Variants in TMPRSS11B observed in about 807,000 individuals in gnomAD.
TMPRSS11B encodes the protein transmembrane protease serine 11B.
TMPRSS11B carries 53 observed loss-of-function variants against 44.7 expected under a neutral mutation model. The observed-to-expected ratio is 1.19, with a 90% confidence interval of 0.95 to 1.49. The LOEUF (loss-of-function observed/expected upper bound fraction) is 1.49, where lower values mean the gene tolerates loss of function less well. Among genes scored for constraint, TMPRSS11B ranks in the 40% most tolerant of loss-of-function variants. TMPRSS11B has a pLI of 0.00. For synonymous variants in TMPRSS11B, 140 were observed against 159.2 expected, an observed-to-expected ratio of 0.88 and a Z score of 0.91; for missense variants, 526 against 494.8, an observed-to-expected ratio of 1.06 and a Z score of -0.60.
At chr4:68,242,634 A>G (rs984527524) in intron 1 of TMPRSS11B, among the ~76,000 whole-genome samples, 11 of 150,360 alleles carry the variant, frequency 7.3e-5, no homozygotes, top group African/African-American at 2.4e-4. Flanking sequence ...CAGTAGTACA[A>G]TCTCAGCTCA....
chr4:68,226,768 A>C lies in TMPRSS11B; in HGVS notation c.*1143T>G, dbSNP rs771922525. ...GTAGAGATTACAAAGTTAGCCATCC[A>C]TATGATTGCACTTTTACTATAAGGA... On this transcript the variant is annotated 3_prime_UTR_variant, in exon 10 of 10. Coordinates refer to ENST00000332644, the MANE Select transcript of TMPRSS11B (RefSeq NM_182502.3). 1 of 152,256 alleles carries C rather than the reference A, an allele frequency of 6.6e-6. No individual in the cohort carries two copies. Among genetic ancestry groups the C allele is most frequent in the African/African-American group, 2.4e-5 (1 of 41,474 alleles). 9.4% of individuals were successfully genotyped at this position (152,256 alleles called of 1,614,324 possible).
In TMPRSS11B at chr4:68,242,292, TAC is replaced by T. The variant is rs1430728651; in HGVS notation, c.9-490_9-489del. ...ATATAATATTATATATATTATATTATACATAATATAATATATATAATATTATA... is the reference window on the plus strand; with the variant it reads ...ATATAATATTATATATATTATATTATATAATATAATATATATAATATTATA... On this transcript the variant is annotated intron_variant, in intron 1 of 9. Coordinates refer to ENST00000332644, the MANE Select transcript of TMPRSS11B (RefSeq NM_182502.3). Among the ~76,000 whole-genome samples, 132 of 17,458 alleles carry T rather than the reference TAC, an allele frequency of 7.6e-3. 3 individuals are homozygous for T. Among genetic ancestry groups the T allele is most frequent in the African/African-American group, 0.02 (120 of 6,008 alleles). 11.5% of individuals were successfully genotyped at this position (17,458 alleles called of 152,430 possible). A position where few individuals can be genotyped will look rare whatever the true frequency, so the allele number is the denominator to read the frequency against.
Position 68,243,743 on chromosome 4 carries a change from C to T in TMPRSS11B, c.8+1808G>A, listed in dbSNP as rs537662155. On this transcript the variant is annotated intron_variant, in intron 1 of 9. Transcript: ENST00000332644. ...TTAGCCAGTTATAACAGTCTGGTAG[C>T]TTGGGCTTTCTGAGACATGCATATT... Among the ~76,000 whole-genome samples the T allele has an allele frequency of 4.2e-4, 64 of 152,274 alleles. 2 individuals carry two copies. In the South Asian group the frequency reaches 8.7e-3, roughly 21 times the overall value.
rs1719821605 is a variant in TMPRSS11B, at chr4:68,241,562, G to A, written c.124+127C>T. On this transcript the variant is annotated intron_variant, in intron 2 of 9. Coordinates refer to ENST00000332644, the MANE Select transcript of TMPRSS11B (RefSeq NM_182502.3). ...ATAAATTTCTGTGTCATAATAAACT[G>A]TGTTGAAATAAAATAGTAAATAAGA... The A allele has an allele frequency of 4.7e-6, 3 of 644,880 alleles. No individual in the cohort carries two copies. The East Asian group carries it at 8.4e-5, about 18-fold the overall frequency. The allele number at this position is 644,880 out of a possible 1,614,324, so 39.9% of individuals were successfully genotyped here. A position where few individuals can be genotyped will look rare whatever the true frequency, so the allele number is the denominator to read the frequency against.
At chr4:68,241,885 G>T in intron 1 of TMPRSS11B, 81 bp from the exon 2 acceptor site, 1 of 821,296 alleles carries the variant, frequency 1.2e-6, no homozygotes, top group Non-Finnish European at 2.1e-6. Flanking sequence ...CATAGTACAT[G>T]AATTGTAGTT....
At chr4:68,231,543 A>C (rs529489008) in intron 6 of TMPRSS11B, among the ~76,000 whole-genome samples, 163 bp from the exon 7 acceptor site, 1 of 152,218 alleles carries the variant, frequency 6.6e-6, no homozygotes, top group Non-Finnish European at 1.5e-5. Flanking sequence ...TCTGTATTCT[A>C]TCTTGGTTTG....
chr4:68,233,031 A>C (rs540630863), intron 5 of TMPRSS11B, among the ~76,000 whole-genome samples: 178 of 152,262 alleles, frequency 1.2e-3, no homozygotes, highest in African/African-American at 4.1e-3. Context: ...ACTAAGAATG[A>C]ATCATGAAAT....
Position 68,231,324 on chromosome 4 carries a change from T to C in TMPRSS11B, c.565A>G (p.Lys189Glu), listed in dbSNP as rs1414874289. The change falls in exon 7 of 10, where the codon AAA (lysine) becomes GAA (glutamate). Residue 189 changes from lysine to glutamate, a missense_variant. Transcript: ENST00000332644. ...IITGNKIVNG[K>E]SSLEGAWPWQ... is the part of the protein sequence containing the mutation. ...GGCCATGCCCCCTCCAGGGAGCTTT[T>C]TCCATTCACAATTTTGTTGCCAGTT... is the stretch of plus-strand genomic sequence containing the variant. The C allele has an allele frequency of 6.2e-7, 1 of 1,613,988 alleles. No homozygotes were observed.
In TMPRSS11B at chr4:68,242,340, ATATATTATATATAATAT is replaced by A. The variant is rs1455266708; in HGVS notation, c.9-553_9-537del. Among the ~76,000 whole-genome samples the A allele has an allele frequency of 2.5e-4, 18 of 71,462 alleles. 1 individual carries two copies. Among genetic ancestry groups the A allele is most frequent in the African/African-American group, 1.0e-3 (14 of 13,798 alleles). 46.9% of individuals were successfully genotyped at this position (71,462 alleles called of 152,430 possible). A position where few individuals can be genotyped will look rare whatever the true frequency, so the allele number is the denominator to read the frequency against. On this transcript the variant is annotated intron_variant, in intron 1 of 9. Coordinates refer to ENST00000332644, the MANE Select transcript of TMPRSS11B (RefSeq NM_182502.3). Reference sequence around the variant, plus strand: ...TTATATATATAATATTATATTATATATATATTATATATAATATTATATTATATATAATATTATATATA... The same window carrying A: ...TTATATATATAATATTATATTATATATATATTATATATAATATTATATATA...
At position 68,231,260 on chromosome 4, in the gene TMPRSS11B, C is replaced by T; in HGVS notation, c.629G>A (p.Cys210Tyr). 3 of 1,613,738 alleles carry T rather than the reference C, an allele frequency of 1.9e-6. No individual in the cohort carries two copies. The highest frequency in any genetic ancestry group is 2.5e-6 in the Non-Finnish European group (3 of 1,179,958). Reference sequence around the variant, plus strand: ...CCTGCTGCTGATCAGAGAGGCTCCACAGTAGTGACGGCCTTTCCATTGCAT... The same window carrying T: ...CCTGCTGCTGATCAGAGAGGCTCCATAGTAGTGACGGCCTTTCCATTGCAT... ...ASMQWKGRHY[C>Y]GASLISSRWL... The change falls in exon 7 of 10, where the codon TGT (cysteine) becomes TAT (tyrosine). Residue 210 changes from cysteine (C) to tyrosine (Y), a missense_variant. Coordinates refer to ENST00000332644, the MANE Select transcript of TMPRSS11B (RefSeq NM_182502.3).
chr4:68,235,958 C>T (rs992879756), intron 4 of TMPRSS11B, 44 bp downstream of exon 4: 1 of 1,195,542 alleles, frequency 8.4e-7, no homozygotes, highest in African/African-American at 1.6e-5. Flanking sequence ...TATGATATAT[C>T]ACCTACTTTC....
In TMPRSS11B at chr4:68,241,714, A is replaced by G; in HGVS notation, c.99T>C (p.Gly33=). 1 of 1,612,572 alleles carries G rather than the reference A, an allele frequency of 6.2e-7. No homozygotes were observed. Residue 33 remains glycine (G), a synonymous_variant, in exon 2 of 10, where the codon GGT becomes GGC. Transcript: ENST00000332644. ...GVAAILGVTI[G]LLVHFLAVEK... is the part of the protein sequence containing the mutation. Reference sequence around the variant, plus strand: ...CAACTGCCAGAAAATGAACAAGAAGACCAATGGTTACTCCCAAGATTGCCG... The same window carrying G: ...CAACTGCCAGAAAATGAACAAGAAGGCCAATGGTTACTCCCAAGATTGCCG...
intron 2 of TMPRSS11B, among the ~76,000 whole-genome samples, chr4:68,237,111 C>A (rs183694752): frequency 1.3e-5 from 2 of 152,116 alleles, no homozygotes; most frequent in East Asian, 1.9e-4. Flanking sequence ...CCCTGCCAAC[C>A]CTGGTGTGTG....
Position 68,231,277 on chromosome 4 carries a change from C to A in TMPRSS11B, c.612G>T (p.Trp204Cys). The A allele has an allele frequency of 6.2e-7, 1 of 1,613,964 alleles. No homozygotes were observed. Among genetic ancestry groups the A allele is most frequent in the Non-Finnish European group, 8.5e-7 (1 of 1,179,994 alleles). ...GAWPWQASMQ[W>C]KGRHYCGASL... The stretch of plus-strand genomic sequence containing the variant: ...AGGCTCCACAGTAGTGACGGCCTTT[C>A]CATTGCATGCTGGCCTGCCATGGCC... Residue 204 changes from tryptophan to cysteine, a missense_variant, in exon 7 of 10, where the codon TGG (tryptophan) becomes TGT (cysteine). Physicochemically the swap from Trp to Cys is radical, Grantham distance 215. Coordinates refer to ENST00000332644, the MANE Select transcript of TMPRSS11B (RefSeq NM_182502.3).
rs33998905 is a variant in TMPRSS11B at position 68,236,279 on chromosome 4, G to GAA, written c.125-15_125-14dup. On this transcript the variant is annotated splice_polypyrimidine_tract_variant and intron_variant, in intron 2 of 9. Transcript: ENST00000332644. ...TAGTAAGTCTTCTCTGCAAAATTAA[G>GAA]AAAAAAAAACCTCAAAGAATTTTAA... is the stretch of plus-strand genomic sequence containing the variant. 2.8e-3 allele frequency: 4,235 copies of GAA among 1,487,566 alleles called. 53 individuals carry two copies. The African/African-American group carries it at 0.046, about 16-fold the overall frequency. 92.1% of individuals were successfully genotyped at this position (1,487,566 alleles called of 1,614,324 possible). A position where few individuals can be genotyped will look rare whatever the true frequency, so the allele number is the denominator to read the frequency against.
At chr4:68,241,952 G>A in intron 1 of TMPRSS11B, 148 bp from the exon 2 acceptor site, 1 of 571,726 alleles carries the variant, frequency 1.7e-6, no homozygotes. Context: ...GCCTCAAAGA[G>A]GATAGACCCT....
Position 68,236,249 on chromosome 4 carries a change from G to A in TMPRSS11B, c.142C>T (p.Gln48Ter). Residue 48 changes from glutamine to a stop codon, truncating the protein, a stop_gained, in exon 3 of 10, where the codon CAA (glutamine) becomes TAA (stop). Transcript: ENST00000332644. LOFTEE classifies it high-confidence loss of function. Reference sequence around the variant, plus strand: ...ACTCCAGAAATATGAAAATCACCTTGATAATAGTAAGTCTTCTCTGCAAAA... The same window carrying A: ...ACTCCAGAAATATGAAAATCACCTTAATAATAGTAAGTCTTCTCTGCAAAA... ...FLAVEKTYYY[Q>*]GDFHISGVTY... 1 of 1,603,262 alleles carries A rather than the reference G, an allele frequency of 6.2e-7. No individual in the cohort carries two copies. Among genetic ancestry groups the A allele is most frequent in the South Asian group, 1.1e-5 (1 of 89,434 alleles).
intron 1 of TMPRSS11B, among the ~76,000 whole-genome samples, chr4:68,242,287 T>C: frequency 1.4e-5 from 1 of 70,188 alleles, no homozygotes; most frequent in Non-Finnish European, 2.5e-5. Context: ...ATATATATTA[T>C]ATTATACATA....
intron 2 of TMPRSS11B, among the ~76,000 whole-genome samples, chr4:68,237,369 T>C (rs1351016576): frequency 6.6e-6 from 1 of 152,204 alleles, no homozygotes; most frequent in South Asian, 2.1e-4. Flanking sequence ...TCTAAGTCTT[T>C]GCTATTGTGA....
Sources: gnomAD v4.1 joint callset for allele counts (sites outside exome capture counted in the v4.1 genomes callset) on GRCh38, gnomAD v4.1.1 for gene constraint, MANE v1.5 for transcripts, NCBI Gene and HGNC (gene_info 2026-07-23, HGNC 2026-07-21) for gene names.